Variants in LPIN1 observed in about 807,000 individuals in gnomAD.
The protein encoded by LPIN1 is phosphatidate phosphatase LPIN1.
Under a neutral mutation model 107.5 loss-of-function variants are expected in LPIN1, and 71 were observed. The ratio of observed to expected loss-of-function variants is 0.66; its 90% CI spans 0.55 to 0.80. The LOEUF (loss-of-function observed/expected upper bound fraction) is 0.80. Ranked by LOEUF, LPIN1 falls within the 30% of genes least tolerant of loss-of-function variation. The pLI, the probability that LPIN1 is intolerant of heterozygous loss-of-function variation, is 0.00. For missense variants in LPIN1, 1,043 were observed against 1,160.6 expected (o/e 0.90, Z 1.47); for synonymous variants, 445 against 452.6 (o/e 0.98, Z 0.21).
At chr2:11,735,064 G>A (rs538662252) in intron 1 of LPIN1, among the ~76,000 whole-genome samples, 1 of 152,198 alleles carries the variant, frequency 6.6e-6, no homozygotes, top group African/African-American at 2.4e-5. Context: ...GGCCGAGGCG[G>A]GCAGATTACC....
Position 11,779,527 on chromosome 2 carries a change from G to T in LPIN1, c.839G>T (p.Gly280Val). Residue 280 changes from glycine (G) to valine (V), a missense_variant, in exon 7 of 21, where the codon GGT becomes GTT. By Grantham distance (109) the Gly-to-Val change is moderately radical. Coordinates refer to ENST00000674199, the MANE Select transcript of LPIN1 (RefSeq NM_001349206.2). ...TTTGTGTTTTCCTTAAGTCCTTCCG[G>T]TTCCCGACCTTCAACACCTAAAAGT... ...SLFHPSESPS[G>V]SRPSTPKSDS... is the part of the protein sequence containing the mutation. 2 of 1,613,576 alleles carry T rather than the reference G, an allele frequency of 1.2e-6. No homozygotes were observed. Among genetic ancestry groups the T allele is most frequent in the Non-Finnish European group, 1.7e-6 (2 of 1,179,980 alleles).
chr2:11,778,393 G>A (rs574708229), intron 6 of LPIN1, among the ~76,000 whole-genome samples: 3 of 152,226 alleles, frequency 2.0e-5, no homozygotes, highest in Non-Finnish European at 4.4e-5. Context: ...CACTTGGTCT[G>A]GCTGCTCTAT....
intron 1 of LPIN1, among the ~76,000 whole-genome samples, chr2:11,693,798 A>ATATATAT (rs1553398390): frequency 0.023 from 391 of 16,856 alleles, 5 homozygotes; most frequent in East Asian, 0.049. Flanking sequence ...GTATATATAT[A>ATATATAT]TATATATATA....
At chr2:11,702,113 C>T (rs1296547093) in intron 1 of LPIN1, among the ~76,000 whole-genome samples, 2 of 152,096 alleles carry the variant, frequency 1.3e-5, no homozygotes, top group Non-Finnish European at 2.9e-5. Context: ...GCTCACGGGT[C>T]CCTAAAGACA....
intron 6 of LPIN1, chr2:11,777,322 T>C (rs965424053): frequency 6.6e-6 from 1 of 152,202 alleles, no homozygotes; most frequent in African/African-American, 2.4e-5. Flanking sequence ...TTTATGGTGG[T>C]GGCCTGTTTG....
intron 6 of LPIN1, among the ~76,000 whole-genome samples, chr2:11,778,962 T>C (rs575264644): frequency 2.8e-4 from 43 of 152,362 alleles, no homozygotes; most frequent in African/African-American, 8.2e-4. Context: ...ACTTGTAGGC[T>C]CCTGCCCAAC....
chr2:11,715,725 C>T (rs1170132336), intron 2 of LPIN1, among the ~76,000 whole-genome samples: 1 of 152,060 alleles, frequency 6.6e-6, no homozygotes. Context: ...TTGAAAGAGC[C>T]ATACCAGTTG....
rs532521112 is a variant in LPIN1 at position 11,699,504 on chromosome 2, C to A, written c.82-14252C>A. Among the ~76,000 whole-genome samples, 297 of 152,024 alleles carry A rather than the reference C, an allele frequency of 2.0e-3. 3 individuals carry two copies. The highest frequency in any genetic ancestry group is 6.7e-3 in the African/African-American group (276 of 41,460). On this transcript the variant is annotated intron_variant, in intron 1 of 21. Coordinates refer to the LPIN1 transcript ENST00000449576. The stretch of plus-strand genomic sequence containing the variant: ...CAGACACCAGAACGCTCACCTTTTA[C>A]GGTGCTAGTGTGAGTCATGGGAGCA...
At chr2:11,696,688 C>T (rs1662599291) in intron 1 of LPIN1, among the ~76,000 whole-genome samples, 1 of 152,160 alleles carries the variant, frequency 6.6e-6, no homozygotes, top group Non-Finnish European at 1.5e-5. Flanking sequence ...GAGGTGACTG[C>T]CTACATGGTG....
chr2:11,794,208 GC>G (rs1676275482), intron 13 of LPIN1, among the ~76,000 whole-genome samples: 1 of 152,076 alleles, frequency 6.6e-6, no homozygotes, highest in Non-Finnish European at 1.5e-5. Context: ...AGCATGAAGG[GC>G]CTCTCTGGTT....
chr2:11,740,048 T>A (rs537392964), intron 1 of LPIN1, among the ~76,000 whole-genome samples: 1 of 152,296 alleles, frequency 6.6e-6, no homozygotes, highest in East Asian at 1.9e-4. Context: ...GCTGGTGACA[T>A]AGCTCAGTCT....
chr2:11,685,868 C>T (rs1348767066), intron 1 of LPIN1, among the ~76,000 whole-genome samples: 1 of 152,194 alleles, frequency 6.6e-6, no homozygotes, highest in Non-Finnish European at 1.5e-5. Flanking sequence ...CCTTCACATT[C>T]TCCCCGTGCC....
chr2:11,699,310 T>C (rs892807570), intron 1 of LPIN1, among the ~76,000 whole-genome samples: 22 of 152,202 alleles, frequency 1.4e-4, no homozygotes, highest in African/African-American at 5.3e-4. Context: ...GGGAACACTT[T>C]CTTGCTGAGG....
intron 1 of LPIN1, among the ~76,000 whole-genome samples, chr2:11,705,977 A>G (rs1415874508): frequency 6.6e-6 from 1 of 152,118 alleles, no homozygotes; most frequent in Non-Finnish European, 1.5e-5. Context: ...TGTTCTTGTG[A>G]TAGCGAATGA....
chr2:11,785,592 G>T (rs1363871566), intron 10 of LPIN1, among the ~76,000 whole-genome samples: 2 of 152,182 alleles, frequency 1.3e-5, no homozygotes, highest in African/African-American at 4.8e-5. Context: ...ACGCCCCCCA[G>T]TGGGTGCAGT....
At chr2:11,748,765 T>A (rs192259782) in intron 1 of LPIN1, among the ~76,000 whole-genome samples, 4 of 152,160 alleles carry the variant, frequency 2.6e-5, no homozygotes, top group Admixed American at 2.6e-4. Flanking sequence ...TTAATTGATT[T>A]GGGCAAGCCT....
chr2:11,729,148 G>A lies in LPIN1; in HGVS notation c.-72+4609G>A, dbSNP rs1261772235. Among the ~76,000 whole-genome samples, 7 of 152,124 alleles carry A rather than the reference G, an allele frequency of 4.6e-5. No individual in the cohort carries two copies. The East Asian group carries it at 1.3e-3, about 29-fold the overall frequency. The stretch of plus-strand genomic sequence containing the variant: ...GAACATCATACACCAGGGCCTGTCG[G>A]GGAACGGGGGCAAGAGGAGGGAGAG... On this transcript the variant is annotated intron_variant, in intron 1 of 21. Coordinates refer to the LPIN1 transcript ENST00000396097.
At chr2:11,820,084 G>A (rs1208188058) in intron 19 of LPIN1, among the ~76,000 whole-genome samples, 1 of 152,228 alleles carries the variant, frequency 6.6e-6, no homozygotes, top group Non-Finnish European at 1.5e-5. Flanking sequence ...TGCTCCATCA[G>A]AAAGTCCTAC....
chr2:11,696,692 CA>C (rs1662599938), intron 1 of LPIN1, among the ~76,000 whole-genome samples: 1 of 152,184 alleles, frequency 6.6e-6, no homozygotes, highest in African/African-American at 2.4e-5. Context: ...TGACTGCCTA[CA>C]TGGTGATGCA....
Sources: gnomAD v4.1 joint callset for allele counts (sites outside exome capture counted in the v4.1 genomes callset) on GRCh38, gnomAD v4.1.1 for gene constraint, MANE v1.5 for transcripts, NCBI Gene and HGNC (gene_info 2026-07-23, HGNC 2026-07-21) for gene names.